Variants in MARCHF1 observed in about 807,000 individuals in gnomAD.
MARCHF1 encodes the protein E3 ubiquitin-protein ligase MARCHF1.
A neutral mutation model predicts 54.2 loss-of-function variants in MARCHF1; 40 were observed. The ratio of observed to expected loss-of-function variants is 0.74; its 90% CI spans 0.57 to 0.96. The LOEUF (loss-of-function observed/expected upper bound fraction) is 0.96, where lower values mean the gene tolerates loss of function less well. MARCHF1 is among the 40% of genes least tolerant of loss of function. MARCHF1 has a pLI of 0.00. For missense variants in MARCHF1, 586 were observed against 656.5 expected (o/e 0.89, Z 1.17); for synonymous variants, 236 against 236.3 (o/e 1.00, Z 0.01).
At chr4:163,813,036 T>A (rs183869482) in intron 4 of MARCHF1, among the ~76,000 whole-genome samples, 9 of 152,264 alleles carry the variant, frequency 5.9e-5, no homozygotes, top group Admixed American at 5.2e-4. Flanking sequence ...TCATTATGAT[T>A]TTAGAGCTTT....
At chr4:163,729,949 T>C (rs1167691581) in intron 4 of MARCHF1, among the ~76,000 whole-genome samples, 1 of 152,160 alleles carries the variant, frequency 6.6e-6, no homozygotes, top group Non-Finnish European at 1.5e-5. Context: ...TCTTAGATCT[T>C]AATATTAATG....
chr4:163,966,184 T>C (rs1752440437), intron 3 of MARCHF1, among the ~76,000 whole-genome samples: 1 of 152,018 alleles, frequency 6.6e-6, no homozygotes, highest in South Asian at 2.1e-4. Context: ...AATCTTACCA[T>C]TTATAAACTG....
At chr4:164,196,286 G>A (rs193218935) in intron 1 of MARCHF1, among the ~76,000 whole-genome samples, 4 of 152,070 alleles carry the variant, frequency 2.6e-5, no homozygotes, top group Admixed American at 1.3e-4. Context: ...TATTCATAAT[G>A]TCCCCAGGTA....
intron 1 of MARCHF1, among the ~76,000 whole-genome samples, chr4:164,199,671 CACACACACACAGAGAGAG>C (rs1216300023): frequency 4.0e-3 from 227 of 56,732 alleles, no homozygotes; most frequent in Middle Eastern, 0.016. Context: ...CACACACACA[CACACACACACAGAGAGAG>C]AGAGAGAGAG....
chr4:163,918,592 A>G (rs1462078008), intron 3 of MARCHF1, among the ~76,000 whole-genome samples: 1 of 152,208 alleles, frequency 6.6e-6, no homozygotes, highest in Non-Finnish European at 1.5e-5. Flanking sequence ...CTTCAGCAAC[A>G]TGCAACTTCA....
intron 1 of MARCHF1, among the ~76,000 whole-genome samples, chr4:164,198,620 G>C (rs956428873): frequency 1.3e-5 from 2 of 152,178 alleles, no homozygotes; most frequent in Non-Finnish European, 2.9e-5. Context: ...TCAGGAAGAA[G>C]ATAAATTAAT....
At chr4:163,857,070 C>T (rs563532553) in intron 3 of MARCHF1, among the ~76,000 whole-genome samples, 13 of 142,400 alleles carry the variant, frequency 9.1e-5, no homozygotes, top group African/African-American at 3.4e-4. Flanking sequence ...TCAAAAGAAG[C>T]AGCATGAGTA....
chr4:164,158,870 A>G (rs1579582526), intron 1 of MARCHF1, among the ~76,000 whole-genome samples: 1 of 152,262 alleles, frequency 6.6e-6, no homozygotes, highest in East Asian at 1.9e-4. Flanking sequence ...AGTTTAAATG[A>G]CATCTTCAGC....
chr4:164,000,413 C>T (rs184280567), intron 2 of MARCHF1, among the ~76,000 whole-genome samples: 2 of 151,692 alleles, frequency 1.3e-5, no homozygotes, highest in Non-Finnish European at 3.0e-5. Context: ...TAATTCACTA[C>T]CCTCAAATCT....
chr4:163,553,032 C>CAAAAAAAAAA (rs778572383), intron 8 of MARCHF1, among the ~76,000 whole-genome samples: 19 of 64,432 alleles, frequency 2.9e-4, no homozygotes, highest in Non-Finnish European at 6.0e-4. Flanking sequence ...GACTCCGTCT[C>CAAAAAAAAAA]AAAAAAAAAA....
chr4:164,060,712 C>T (rs532726952), intron 2 of MARCHF1, among the ~76,000 whole-genome samples: 19 of 152,174 alleles, frequency 1.2e-4, no homozygotes, highest in Middle Eastern at 3.4e-3. Flanking sequence ...AATAAGTAAA[C>T]GTTACAAGGA....
chr4:163,750,942 G>GA (rs34077354), intron 4 of MARCHF1, among the ~76,000 whole-genome samples: 57,866 of 151,688 alleles, frequency 0.38, 11,432 homozygotes, highest in Non-Finnish European at 0.43. Flanking sequence ...AGATGTAAAG[G>GA]AAAAAAATTA....
intron 3 of MARCHF1, among the ~76,000 whole-genome samples, chr4:163,928,258 G>A (rs952235847): frequency 7.3e-5 from 11 of 151,472 alleles, no homozygotes; most frequent in African/African-American, 2.4e-4. Context: ...TATTCTGCTG[G>A]GCCAAAGGGA....
At chr4:164,203,860 A>G (rs1400542187) in intron 1 of MARCHF1, among the ~76,000 whole-genome samples, 2 of 152,208 alleles carry the variant, frequency 1.3e-5, no homozygotes, top group Non-Finnish European at 2.9e-5. Context: ...GACTGAACTA[A>G]AAATGGGAAG....
intron 2 of MARCHF1, among the ~76,000 whole-genome samples, chr4:164,036,819 A>G (rs1754015858): frequency 6.6e-6 from 1 of 152,108 alleles, no homozygotes; most frequent in South Asian, 2.1e-4. Context: ...GAAAACATTC[A>G]TATATTTCTG....
intron 1 of MARCHF1, among the ~76,000 whole-genome samples, chr4:164,202,325 G>T (rs1346028860): frequency 1.3e-5 from 2 of 152,184 alleles, no homozygotes; most frequent in African/African-American, 4.8e-5. Flanking sequence ...GTGAGAGAAT[G>T]CAGTAGATAT....
intron 4 of MARCHF1, among the ~76,000 whole-genome samples, chr4:163,740,256 T>C (rs1047960785): frequency 6.6e-6 from 1 of 152,194 alleles, no homozygotes; most frequent in Non-Finnish European, 1.5e-5. Context: ...ACACATGCTA[T>C]TCACCATTAT....
rs114722108 is a variant in MARCHF1 at position 164,166,345 on chromosome 4, C to G, written c.-322-54683G>C. Among the ~76,000 whole-genome samples the G allele has an allele frequency of 4.6e-3, 699 of 152,030 alleles. 6 individuals carry two copies. Among genetic ancestry groups the G allele is most frequent in the African/African-American group, 0.015 (643 of 41,542 alleles). On this transcript the variant is annotated intron_variant, in intron 1 of 9. Transcript: ENST00000514618. ...AATGAAGTGTGAAGCTAGTTAAAGG[C>G]TTTTCATTATTTCTTCACTTACATA...
intron 3 of MARCHF1, among the ~76,000 whole-genome samples, chr4:163,874,015 AAATTT>A (rs545081292): frequency 1.1e-4 from 16 of 152,298 alleles, no homozygotes; most frequent in African/African-American, 3.9e-4. Context: ...TAAAAGAATT[AAATTT>A]AATTTAATAA....
Sources: allele counts gnomAD v4.1 joint callset (sites outside exome capture counted in the v4.1 genomes callset), GRCh38; gene constraint gnomAD v4.1.1; transcripts MANE v1.5; gene names NCBI Gene and HGNC (gene_info 2026-07-23, HGNC 2026-07-21).